CAST: variants seen among roughly 807,000 people sequenced by gnomAD.
CAST encodes the protein calpastatin, also known as MIR583 host.
Under a neutral mutation model 119.6 loss-of-function variants are expected in CAST, and 76 were observed. That is an observed-to-expected ratio of 0.64 (90% CI 0.53 to 0.77). The LOEUF is 0.77. Ranked by LOEUF, CAST falls within the 30% of genes least tolerant of loss-of-function variation. CAST has a pLI of 0.00. For missense variants in CAST, 953 were observed against 946.5 expected (o/e 1.01, Z -0.09); for synonymous variants, 319 against 331.6 (o/e 0.96, Z 0.41).
At chr5:96,404,537 C>T in the CAST span, among the ~76,000 whole-genome samples, 2 of 152,184 alleles carry the variant, frequency 1.3e-5, no homozygotes, top group African/African-American at 2.4e-5. Context: ...GGCTATATAA[C>T]ATTTAACACA....
the CAST span, among the ~76,000 whole-genome samples, chr5:96,114,523 G>A: frequency 6.6e-6 from 1 of 152,146 alleles, no homozygotes; most frequent in South Asian, 2.1e-4. Context: ...GGGTCAAAGA[G>A]GTTCTGATTC....
chr5:96,741,752 T>G (rs1168071046), intron 15 of CAST, 172 bp downstream of exon 15: 3 of 571,124 alleles, frequency 5.3e-6, no homozygotes, highest in Non-Finnish European at 9.6e-6. Flanking sequence ...CAGGCAAGCC[T>G]TGTGTGTTTC....
the CAST span, among the ~76,000 whole-genome samples, chr5:96,387,211 T>C: frequency 2.6e-5 from 4 of 152,324 alleles, no homozygotes; most frequent in Middle Eastern, 6.8e-3. Context: ...GTTGTTAATA[T>C]ATTTTCAGAC....
intron 1 of CAST, among the ~76,000 whole-genome samples, chr5:96,561,982 C>G (rs1057318537): frequency 6.7e-6 from 1 of 149,144 alleles, no homozygotes; most frequent in African/African-American, 2.5e-5. Flanking sequence ...TTAGTAGAGA[C>G]GGGGTTTCAC....
chr5:96,548,286 T>A (rs899009216), intron 1 of CAST, among the ~76,000 whole-genome samples: 4 of 152,206 alleles, frequency 2.6e-5, no homozygotes, highest in Non-Finnish European at 4.4e-5. Context: ...ATGAATTGAC[T>A]TAGATCTGAA....
At chr5:96,770,129 T>C (rs1489411397) in intron 29 of CAST, 1 of 168,566 alleles carries the variant, frequency 5.9e-6, no homozygotes, top group Non-Finnish European at 1.3e-5. Context: ...TTAATTTCTT[T>C]AGGAACCTAT....
At chr5:96,364,410 C>T in the CAST span, among the ~76,000 whole-genome samples, 1 of 152,244 alleles carries the variant, frequency 6.6e-6, no homozygotes, top group East Asian at 1.9e-4. Context: ...AGGAATGGTA[C>T]CAGCTCCTTC....
intron 24 of CAST, among the ~76,000 whole-genome samples, chr5:96,760,238 C>T (rs187639206): frequency 1.7e-4 from 26 of 151,880 alleles, no homozygotes; most frequent in Admixed American, 1.3e-3. Flanking sequence ...TAGAATATAA[C>T]AAACAGTTAA....
chr5:96,548,035 T>C (rs1456706284), intron 1 of CAST, among the ~76,000 whole-genome samples: 2 of 152,196 alleles, frequency 1.3e-5, no homozygotes, highest in Non-Finnish European at 2.9e-5. Context: ...TTACCTGCAA[T>C]CATAATCTCT....
intron 29 of CAST, chr5:96,770,323 C>T: frequency 1.9e-6 from 1 of 523,604 alleles, no homozygotes; most frequent in Non-Finnish European, 3.5e-6. Flanking sequence ...CCCACATTTC[C>T]CTCCTTATTT....
At position 96,663,293 on chromosome 5, in the gene CAST, A is replaced by T; in HGVS notation, c.75+796A>T. 4.3e-6 allele frequency: 3 copies of T among 692,752 alleles called. No individual in the cohort carries two copies. The Admixed American group carries it at 6.0e-5, about 14-fold the overall frequency. The allele number at this position is 692,752 out of a possible 1,614,324, so 42.9% of individuals were successfully genotyped here. On this transcript the variant is annotated intron_variant, in intron 1 of 31. Coordinates refer to ENST00000675179, the MANE Select transcript of CAST (RefSeq NM_001750.7). The stretch of plus-strand genomic sequence containing the variant: ...GGGGTTTGGCGGGGAAGGGGTGCGG[A>T]CCGGGTGCGACCTCCTCGCAGACCT...
At chr5:96,171,371 A>T in the CAST span, among the ~76,000 whole-genome samples, 2 of 152,074 alleles carry the variant, frequency 1.3e-5, no homozygotes, top group Admixed American at 6.5e-5. Flanking sequence ...GGAGGAATGG[A>T]GGGTGGAAGG....
At chr5:96,219,461 A>G in the CAST span, among the ~76,000 whole-genome samples, 1 of 152,184 alleles carries the variant, frequency 6.6e-6, no homozygotes, top group East Asian at 1.9e-4. Flanking sequence ...CTACTAAATA[A>G]CTGATCCAAG....
chr5:96,131,276 T>C, the CAST span, among the ~76,000 whole-genome samples: 1 of 152,100 alleles, frequency 6.6e-6, no homozygotes, highest in African/African-American at 2.4e-5. Context: ...TGTAGAGTAA[T>C]ATGTACAGTG....
the CAST span, chr5:96,421,744 A>G: frequency 7.2e-6 from 5 of 696,644 alleles, no homozygotes; most frequent in Non-Finnish European, 1.3e-5. Context: ...AAAAGCAACA[A>G]AATATTGTGG....
At chr5:96,634,692 G>T (rs1342998245) in intron 1 of CAST, among the ~76,000 whole-genome samples, 4 of 152,208 alleles carry the variant, frequency 2.6e-5, no homozygotes, top group African/African-American at 7.2e-5. Context: ...AACACAGTTT[G>T]CAGTTTGACT....
chr5:96,616,964 C>T (rs1399257180), intron 1 of CAST, among the ~76,000 whole-genome samples: 2 of 152,106 alleles, frequency 1.3e-5, no homozygotes, highest in African/African-American at 2.4e-5. Flanking sequence ...CTGGAGCTTT[C>T]AGCCGCACTT....
At chr5:96,534,095 T>C (rs1186198423) in intron 1 of CAST, among the ~76,000 whole-genome samples, 2 of 152,220 alleles carry the variant, frequency 1.3e-5, no homozygotes, top group Non-Finnish European at 2.9e-5. Flanking sequence ...CCTGACAGGT[T>C]CCTAATACTT....
chr5:96,297,254 A>C, the CAST span, among the ~76,000 whole-genome samples: 2 of 152,180 alleles, frequency 1.3e-5, no homozygotes, highest in Non-Finnish European at 2.9e-5. Context: ...TTTCCAGGAG[A>C]ATGTTTTTGA....
Sources: allele counts gnomAD v4.1 joint callset (sites outside exome capture counted in the v4.1 genomes callset), GRCh38; gene constraint gnomAD v4.1.1; transcripts MANE v1.5; gene names NCBI Gene and HGNC (gene_info 2026-07-23, HGNC 2026-07-21).